Variants in CFAP54 observed in about 807,000 individuals in gnomAD.
CFAP54 encodes cilia and flagella associated protein 54.
In CFAP54, 290 loss-of-function variants were observed where a neutral mutation model predicts 370.4. That is an observed-to-expected ratio of 0.78 (90% CI 0.71 to 0.86). The LOEUF (loss-of-function observed/expected upper bound fraction) is 0.86, where lower values mean the gene tolerates loss of function less well. CFAP54 is among the 40% of genes least tolerant of loss of function. CFAP54 has a pLI of 0.00. For missense variants in CFAP54, 3,399 were observed against 3,528.7 expected (o/e 0.96, Z 0.93); for synonymous variants, 1,206 against 1,236.5 (o/e 0.98, Z 0.52).
chr12:96,851,383 T>C (rs1959542268), intron 66 of CFAP54, among the ~76,000 whole-genome samples: 1 of 152,152 alleles, frequency 6.6e-6, no homozygotes, highest in Admixed American at 6.5e-5. Context: ...CTAATTTAAG[T>C]AGCAGTTTTT....
At chr12:96,577,818 T>C (rs1341145768) in intron 20 of CFAP54, among the ~76,000 whole-genome samples, 1 of 152,250 alleles carries the variant, frequency 6.6e-6, no homozygotes, top group East Asian at 1.9e-4. Context: ...CCCAGTACTT[T>C]GGGAGGCTGA....
chr12:96,532,289 C>T (rs576232001), intron 9 of CFAP54, among the ~76,000 whole-genome samples: 66 of 152,222 alleles, frequency 4.3e-4, no homozygotes, highest in African/African-American at 1.6e-3. Flanking sequence ...GCCTTAGTGT[C>T]CACCTGAGAG....
At chr12:96,734,581 GATA>G (rs1565958890) in intron 50 of CFAP54, among the ~76,000 whole-genome samples, 1 of 152,014 alleles carries the variant, frequency 6.6e-6, no homozygotes, top group African/African-American at 2.4e-5. Flanking sequence ...CTGCTTTATA[GATA>G]ATGAGATTGA....
chr12:96,758,651 A>G (rs1425943630), intron 58 of CFAP54, among the ~76,000 whole-genome samples: 6 of 152,182 alleles, frequency 3.9e-5, no homozygotes, highest in African/African-American at 1.4e-4. Context: ...GGAATTTTCA[A>G]TGAATGACCT....
At position 96,576,650 on chromosome 12, in the gene CFAP54, T is replaced by C; in HGVS notation, c.2685T>C (p.Tyr895=). The C allele has an allele frequency of 6.5e-7, 1 of 1,535,338 alleles. No individual in the cohort carries two copies. The highest frequency in any genetic ancestry group is 8.7e-7 in the Non-Finnish European group (1 of 1,146,340). ...EQNALYSYQK[Y]LESSKRKKSR... The stretch of plus-strand genomic sequence containing the variant: ...ATGCCCTATATTCCTATCAGAAATA[T>C]TTGGAAAGTTCAAAAAGAAAGAAAA... The change falls in exon 20 of 68, where the codon TAT becomes TAC. Residue 895 remains tyrosine, a synonymous_variant. Coordinates refer to ENST00000524981, the MANE Select transcript of CFAP54 (RefSeq NM_001306084.2).
intron 50 of CFAP54, among the ~76,000 whole-genome samples, chr12:96,722,724 T>C (rs554304120): frequency 2.6e-5 from 4 of 152,278 alleles, no homozygotes; most frequent in Admixed American, 6.5e-5. Flanking sequence ...AAGGAGGCTA[T>C]TATAATAACA....
chr12:96,777,349 C>CTT (rs200690074), intron 60 of CFAP54, among the ~76,000 whole-genome samples: 20,087 of 143,414 alleles, frequency 0.14, 1,686 homozygotes, highest in Middle Eastern at 0.24. Context: ...CAAGGATATT[C>CTT]TTTTTTTTTT....
chr12:96,708,456 T>G, intron 47 of CFAP54, 152 bp from the exon 48 acceptor site: 1 of 614,398 alleles, frequency 1.6e-6, no homozygotes, highest in Middle Eastern at 4.4e-4. Context: ...ATGTTACATG[T>G]CTCTCTCAGT....
chr12:96,641,616 G>C (rs1956728353), intron 32 of CFAP54, among the ~76,000 whole-genome samples: 1 of 152,142 alleles, frequency 6.6e-6, no homozygotes, highest in South Asian at 2.1e-4. Flanking sequence ...CTGCTGTAAA[G>C]ACACATGCAC....
At chr12:96,600,966 G>A (rs1373119093) in intron 26 of CFAP54, among the ~76,000 whole-genome samples, 8 of 152,050 alleles carry the variant, frequency 5.3e-5, no homozygotes, top group South Asian at 4.1e-4. Context: ...TCTCTTACCC[G>A]ATTGACCTGG....
At chr12:96,845,338 T>G (rs1422340220) in intron 66 of CFAP54, among the ~76,000 whole-genome samples, 10 of 152,236 alleles carry the variant, frequency 6.6e-5, no homozygotes, top group Non-Finnish European at 1.0e-4. Context: ...TAAATCTTCA[T>G]GCCTGTCGTG....
chr12:96,585,910 G>T (rs1266690675), intron 22 of CFAP54, among the ~76,000 whole-genome samples: 2 of 152,126 alleles, frequency 1.3e-5, no homozygotes, highest in Non-Finnish European at 2.9e-5. Flanking sequence ...CTGCTGTATG[G>T]AGTGTCATCA....
chr12:96,775,725 G>A (rs888963179), intron 60 of CFAP54, among the ~76,000 whole-genome samples: 2 of 152,016 alleles, frequency 1.3e-5, no homozygotes, highest in East Asian at 3.9e-4. Flanking sequence ...ATATTCTTAA[G>A]TATTATATCT....
intron 14 of CFAP54, among the ~76,000 whole-genome samples, chr12:96,541,581 C>T (rs945962705): frequency 1.3e-5 from 2 of 152,066 alleles, no homozygotes; most frequent in African/African-American, 2.4e-5. Context: ...CCACTGCACC[C>T]AACCACCTCT....
chr12:96,831,192 G>A (rs1011228051), intron 66 of CFAP54, among the ~76,000 whole-genome samples: 2 of 152,214 alleles, frequency 1.3e-5, no homozygotes, highest in African/African-American at 2.4e-5. Context: ...TCCTTTCTGT[G>A]CACTGAAGAG....
intron 17 of CFAP54, 49 bp from the exon 18 acceptor site, chr12:96,564,419 C>T: frequency 1.6e-6 from 1 of 635,136 alleles, no homozygotes. Context: ...AAAATATTTC[C>T]TCTCTTGGAT....
In CFAP54 at chr12:96,548,029, A is replaced by G. The variant is rs1955658929; in HGVS notation, c.2154+51A>G. ...AGGTGAAACATGCAATTTTATTTTC[A>G]AATAATATTAAATTTGTAAATGCAT... On this transcript the variant is annotated intron_variant, in intron 15 of 67. Transcript: ENST00000524981. 13 of 763,922 alleles carry G rather than the reference A, an allele frequency of 1.7e-5. No individual in the cohort carries two copies. The East Asian group carries it at 3.3e-4, about 19-fold the overall frequency. The allele number at this position is 763,922 out of a possible 1,614,324, so 47.3% of individuals were successfully genotyped here.
chr12:96,823,138 CTG>C (rs34092422), intron 65 of CFAP54, among the ~76,000 whole-genome samples: 43 of 147,808 alleles, frequency 2.9e-4, no homozygotes, highest in South Asian at 4.2e-4. Context: ...GTGTGTGTGT[CTG>C]TGTGTGTGTG....
At chr12:96,635,731 G>A (rs561447180) in intron 32 of CFAP54, among the ~76,000 whole-genome samples, 3 of 152,266 alleles carry the variant, frequency 2.0e-5, no homozygotes, top group East Asian at 3.9e-4. Flanking sequence ...CCTCAGGTTC[G>A]AAAATTTGCT....
Sources: gnomAD v4.1 joint callset for allele counts (sites outside exome capture counted in the v4.1 genomes callset) on GRCh38, gnomAD v4.1.1 for gene constraint, MANE v1.5 for transcripts, NCBI Gene and HGNC (gene_info 2026-07-23, HGNC 2026-07-21) for gene names.